CACNA2D3: variants seen among roughly 807,000 people sequenced by gnomAD.
The protein encoded by CACNA2D3 is calcium voltage-gated channel auxiliary subunit alpha2delta 3, also known as voltage-dependent calcium channel subunit alpha-2/delta-3.
Under a neutral mutation model 160.6 loss-of-function variants are expected in CACNA2D3, and 60 were observed. That is an observed-to-expected ratio of 0.37 (90% CI 0.30 to 0.46). CACNA2D3 has a LOEUF of 0.46. Ranked by LOEUF, CACNA2D3 falls within the 20% of genes least tolerant of loss-of-function variation. The pLI, the probability that CACNA2D3 is intolerant of heterozygous loss-of-function variation, is 1.00. For synonymous variants in CACNA2D3, 558 were observed against 492.9 expected, an observed-to-expected ratio of 1.13 and a Z score of -1.75; for missense variants, 1,205 against 1,365.0, an observed-to-expected ratio of 0.88 and a Z score of 1.85.
At chr3:54,873,254 T>G (rs1056518916) in intron 18 of CACNA2D3, among the ~76,000 whole-genome samples, 3 of 152,100 alleles carry the variant, frequency 2.0e-5, no homozygotes, top group African/African-American at 4.8e-5. Context: ...ATTGTTAGTA[T>G]TATTCTGACC....
chr3:54,876,851 C>A (rs138890448), intron 18 of CACNA2D3, among the ~76,000 whole-genome samples: 1 of 152,326 alleles, frequency 6.6e-6, no homozygotes, highest in South Asian at 2.1e-4. Flanking sequence ...AATCTGATGA[C>A]CTCCCTTTTT....
intron 5 of CACNA2D3, among the ~76,000 whole-genome samples, chr3:54,519,734 C>T (rs928981814): frequency 3.3e-5 from 5 of 152,200 alleles, no homozygotes; most frequent in Non-Finnish European, 7.3e-5. Flanking sequence ...GGATGGCCAA[C>T]TTAGCAGGAA....
At chr3:54,257,015 T>A (rs1006561131) in intron 2 of CACNA2D3, among the ~76,000 whole-genome samples, 4 of 152,128 alleles carry the variant, frequency 2.6e-5, no homozygotes, top group Admixed American at 2.6e-4. Flanking sequence ...GTTAGCAGGG[T>A]CTACTTATGA....
intron 2 of CACNA2D3, among the ~76,000 whole-genome samples, chr3:54,261,600 C>T (rs1208215545): frequency 6.6e-6 from 1 of 152,198 alleles, no homozygotes; most frequent in Admixed American, 6.5e-5. Flanking sequence ...CAAATATATG[C>T]TTCCCCATGG....
intron 16 of CACNA2D3, among the ~76,000 whole-genome samples, chr3:54,839,798 G>T (rs1372630574): frequency 6.6e-6 from 1 of 152,184 alleles, no homozygotes; most frequent in Admixed American, 6.5e-5. Flanking sequence ...TGGCTCCATC[G>T]TTGATGAGGT....
chr3:54,987,834 G>A (rs1332023699), intron 31 of CACNA2D3, 81 bp downstream of exon 31: 3 of 999,932 alleles, frequency 3.0e-6, no homozygotes, highest in African/African-American at 3.3e-5. Flanking sequence ...AATAAAGCAA[G>A]CCCAGACTTG....
intron 31 of CACNA2D3, among the ~76,000 whole-genome samples, chr3:54,988,245 C>G (rs1169162659): frequency 6.6e-6 from 1 of 152,188 alleles, no homozygotes; most frequent in Non-Finnish European, 1.5e-5. Flanking sequence ...AAGTTTAAGT[C>G]TGCTTCTGGA....
rs190706111 is a variant in CACNA2D3 at position 54,902,201 on chromosome 3, G to A, written c.2449+2333G>A. ...TACAACTATGCAAATAATTATCAAGGACTCCTTGGAAAGGCCAGCTTCGCT... is the reference window on the plus strand; with the variant it reads ...TACAACTATGCAAATAATTATCAAGAACTCCTTGGAAAGGCCAGCTTCGCT... On this transcript the variant is annotated intron_variant, in intron 27 of 37. Coordinates refer to ENST00000474759, the MANE Select transcript of CACNA2D3 (RefSeq NM_018398.3). Among the ~76,000 whole-genome samples, 362 of 152,236 alleles carry A rather than the reference G, an allele frequency of 2.4e-3. 1 individual carries two copies. The highest frequency in any genetic ancestry group is 1.0e-2 in the South Asian group (48 of 4,820).
intron 11 of CACNA2D3, among the ~76,000 whole-genome samples, chr3:54,660,417 C>T (rs907123548): frequency 6.6e-6 from 1 of 152,164 alleles, no homozygotes; most frequent in Non-Finnish European, 1.5e-5. Flanking sequence ...GCCTCGGCCT[C>T]CCAAAGTGCT....
intron 2 of CACNA2D3, among the ~76,000 whole-genome samples, chr3:54,297,563 G>C (rs1162954521): frequency 6.6e-6 from 1 of 152,096 alleles, no homozygotes; most frequent in East Asian, 1.9e-4. Context: ...TGAGCTCCCT[G>C]AGATCCTGGA....
chr3:54,569,147 A>G (rs1211780519), intron 6 of CACNA2D3, among the ~76,000 whole-genome samples: 1 of 152,208 alleles, frequency 6.6e-6, no homozygotes, highest in Non-Finnish European at 1.5e-5. Flanking sequence ...ACTAGGCTGC[A>G]AACCACAAGA....
intron 5 of CACNA2D3, among the ~76,000 whole-genome samples, chr3:54,524,335 T>A (rs1701692310): frequency 6.6e-6 from 1 of 152,186 alleles, no homozygotes; most frequent in Non-Finnish European, 1.5e-5. Context: ...TATTGAGTTC[T>A]AATTTTATTG....
chr3:54,953,394 C>T (rs1043498920), intron 27 of CACNA2D3, among the ~76,000 whole-genome samples: 12 of 152,114 alleles, frequency 7.9e-5, no homozygotes, highest in Admixed American at 2.0e-4. Context: ...GGTAACACTA[C>T]GGCTTCTTAC....
chr3:54,209,889 G>T (rs1161902406), intron 2 of CACNA2D3, among the ~76,000 whole-genome samples: 1 of 152,156 alleles, frequency 6.6e-6, no homozygotes, highest in Non-Finnish European at 1.5e-5. Flanking sequence ...TTAGAAATCG[G>T]AATCCCTTTA....
intron 24 of CACNA2D3, among the ~76,000 whole-genome samples, chr3:54,890,184 A>G (rs1700024083): frequency 6.6e-6 from 1 of 152,164 alleles, no homozygotes; most frequent in African/African-American, 2.4e-5. Flanking sequence ...CTCTTCATAC[A>G]TTTATTGTAG....
At chr3:54,138,709 A>G (rs1456911434) in intron 2 of CACNA2D3, among the ~76,000 whole-genome samples, 2 of 152,168 alleles carry the variant, frequency 1.3e-5, no homozygotes, top group Non-Finnish European at 2.9e-5. Flanking sequence ...CTAGCCCATG[A>G]GTCATATTCC....
chr3:55,019,058 C>G (rs887596072), intron 35 of CACNA2D3, among the ~76,000 whole-genome samples: 1 of 133,312 alleles, frequency 7.5e-6, no homozygotes, highest in African/African-American at 3.9e-5. Context: ...GCTGGGACTA[C>G]AGGCACACAA....
intron 2 of CACNA2D3, among the ~76,000 whole-genome samples, chr3:54,195,863 C>A (rs1701069587): frequency 6.6e-6 from 1 of 152,210 alleles, no homozygotes; most frequent in African/African-American, 2.4e-5. Flanking sequence ...TCCTGCTGGA[C>A]ATTTATGCAA....
At chr3:54,896,279 C>G (rs561287768) in intron 25 of CACNA2D3, among the ~76,000 whole-genome samples, 2 of 152,302 alleles carry the variant, frequency 1.3e-5, no homozygotes, top group South Asian at 4.1e-4. Context: ...TGTGGGCTCA[C>G]ATTTACTTCC....
Sources: gnomAD v4.1 joint callset for allele counts (sites outside exome capture counted in the v4.1 genomes callset) on GRCh38, gnomAD v4.1.1 for gene constraint, MANE v1.5 for transcripts, NCBI Gene and HGNC (gene_info 2026-07-23, HGNC 2026-07-21) for gene names.